The following DIAPH3 variants were observed in gnomAD, a reference collection of about 807,000 sequenced individuals.
The protein encoded by DIAPH3 is diaphanous related formin 3, also known as protein diaphanous homolog 3.
DIAPH3 carries 117 observed loss-of-function variants against 144.3 expected under a neutral mutation model. That is an observed-to-expected ratio of 0.81 (90% CI 0.70 to 0.95). The LOEUF is 0.95. DIAPH3 is among the 40% of genes least tolerant of loss of function. The probability of loss-of-function intolerance (pLI) is 0.00; values close to 1 mark genes in which losing one functional copy is unlikely to be tolerated. For synonymous variants in DIAPH3, 519 were observed against 488.9 expected, an observed-to-expected ratio of 1.06 and a Z score of -0.81; for missense variants, 1,421 against 1,412.7, an observed-to-expected ratio of 1.01 and a Z score of -0.09.
At chr13:59,901,565 C>T (rs1593901339) in intron 20 of DIAPH3, among the ~76,000 whole-genome samples, 1 of 152,182 alleles carries the variant, frequency 6.6e-6, no homozygotes, top group Non-Finnish European at 1.5e-5. Context: ...ATTATTTATG[C>T]ATATATTGCT....
At chr13:59,958,961 C>G (rs1002057929) in intron 17 of DIAPH3, among the ~76,000 whole-genome samples, 1 of 150,746 alleles carries the variant, frequency 6.6e-6, no homozygotes, top group South Asian at 2.1e-4. Context: ...CTGCAACCTC[C>G]GCCTCCCGGG....
intron 1 of DIAPH3, among the ~76,000 whole-genome samples, chr13:60,139,066 T>G (rs930337009): frequency 1.3e-5 from 2 of 152,170 alleles, no homozygotes; most frequent in African/African-American, 4.8e-5. Context: ...TATGAAAATT[T>G]AAAGTAATAT....
chr13:59,784,642 G>T (rs1457763428), intron 25 of DIAPH3, among the ~76,000 whole-genome samples: 1 of 152,134 alleles, frequency 6.6e-6, no homozygotes, highest in Non-Finnish European at 1.5e-5. Context: ...CTCCCAAAGT[G>T]TTGGGATTAC....
chr13:59,796,481 T>C (rs1034749664), intron 25 of DIAPH3, among the ~76,000 whole-genome samples: 16 of 152,356 alleles, frequency 1.1e-4, no homozygotes, highest in Admixed American at 5.2e-4. Context: ...ACCATTTCTA[T>C]AGTAAGACAT....
At chr13:60,015,522 G>A (rs958928613) in intron 7 of DIAPH3, among the ~76,000 whole-genome samples, 1 of 151,944 alleles carries the variant, frequency 6.6e-6, no homozygotes, top group Non-Finnish European at 1.5e-5. Context: ...TGATCTTAAA[G>A]CTGACTCACG....
intron 22 of DIAPH3, among the ~76,000 whole-genome samples, chr13:59,860,746 G>GA (rs1482467386): frequency 2.0e-5 from 3 of 149,562 alleles, no homozygotes; most frequent in South Asian, 4.2e-4. Context: ...TCAAAAAAAG[G>GA]AAAAAAAAGA....
chr13:59,859,307 A>G (rs2043436692), intron 22 of DIAPH3, among the ~76,000 whole-genome samples: 4 of 152,250 alleles, frequency 2.6e-5, no homozygotes, highest in Admixed American at 2.0e-4. Flanking sequence ...TGGAAACTAA[A>G]AAGTCCCAAA....
chr13:60,033,296 C>T (rs952928993), intron 5 of DIAPH3, among the ~76,000 whole-genome samples: 1 of 152,194 alleles, frequency 6.6e-6, no homozygotes, highest in African/African-American at 2.4e-5. Flanking sequence ...AAGTTCCTTC[C>T]ACATTTTCAG....
chr13:59,931,907 G>A (rs1010450317), intron 17 of DIAPH3, among the ~76,000 whole-genome samples: 1 of 152,174 alleles, frequency 6.6e-6, no homozygotes, highest in Non-Finnish European at 1.5e-5. Context: ...GTGGAGAAGA[G>A]AAAATGGGAA....
chr13:59,703,650 T>C (rs527544168), intron 27 of DIAPH3, among the ~76,000 whole-genome samples: 2 of 152,198 alleles, frequency 1.3e-5, no homozygotes, highest in Non-Finnish European at 2.9e-5. Flanking sequence ...TTTATGTATT[T>C]TCTCTTCCTC....
At chr13:59,893,961 A>C (rs1295196272) in intron 20 of DIAPH3, among the ~76,000 whole-genome samples, 2 of 152,124 alleles carry the variant, frequency 1.3e-5, no homozygotes, top group Non-Finnish European at 2.9e-5. Context: ...TGCAATTTTT[A>C]TTCTTTGTTT....
chr13:59,799,614 T>C (rs944783524), intron 25 of DIAPH3, among the ~76,000 whole-genome samples: 1 of 152,234 alleles, frequency 6.6e-6, no homozygotes, highest in African/African-American at 2.4e-5. Context: ...TGTCCTAGGA[T>C]TGTGCCAATC....
chr13:60,013,185 A>G (rs1184522602), intron 7 of DIAPH3: 1 of 985,304 alleles, frequency 1.0e-6, no homozygotes, highest in African/African-American at 1.7e-5. Flanking sequence ...GGCCTGTTCT[A>G]AACTGAGGAT....
intron 24 of DIAPH3, among the ~76,000 whole-genome samples, chr13:59,827,208 T>G (rs2041485940): frequency 6.6e-6 from 1 of 151,972 alleles, no homozygotes; most frequent in African/African-American, 2.4e-5. Context: ...AAAGAGCTTC[T>G]GCACAGCAAA....
chr13:59,778,876 T>C (rs1335434134), intron 25 of DIAPH3, among the ~76,000 whole-genome samples: 2 of 152,260 alleles, frequency 1.3e-5, no homozygotes, highest in Non-Finnish European at 2.9e-5. Context: ...AAAGTTTCAA[T>C]ATATCTCAGT....
At chr13:59,831,019 T>A (rs2041746655) in intron 24 of DIAPH3, among the ~76,000 whole-genome samples, 1 of 151,694 alleles carries the variant, frequency 6.6e-6, no homozygotes, top group South Asian at 2.1e-4. Flanking sequence ...TAGAGAAGAT[T>A]ATATGGGTTT....
chr13:59,699,502 GACTT>G (rs1377472660), intron 27 of DIAPH3, among the ~76,000 whole-genome samples: 3 of 152,186 alleles, frequency 2.0e-5, no homozygotes, highest in African/African-American at 7.2e-5. Context: ...CATCCAATCT[GACTT>G]ACTAATTTAT....
In DIAPH3 at chr13:59,839,383, C is replaced by T. The variant is rs753942693; in HGVS notation, c.2803G>A (p.Glu935Lys). 28 of 1,613,654 alleles carry T rather than the reference C, an allele frequency of 1.7e-5. 1 individual carries two copies. In the Middle Eastern group the frequency reaches 4.9e-4, roughly 28 times the overall value. ...TCAGGAGGGGGAAAGGTTTCCAATTCCTTCTCAAGCTGTTGAAGCTGCCTT... is the reference window on the plus strand; with the variant it reads ...TCAGGAGGGGGAAAGGTTTCCAATTTCTTCTCAAGCTGTTGAAGCTGCCTT... ...MGRQLQQLEK[E>K]LETFPPPEDL... Residue 935 changes from glutamate (E) to lysine (K), a missense_variant, in exon 23 of 28, where the codon GAA becomes AAA. Physicochemically the swap from Glu to Lys is moderately conservative, Grantham distance 56. Transcript: ENST00000400324.
intron 17 of DIAPH3, among the ~76,000 whole-genome samples, chr13:59,954,249 T>C (rs759583207): frequency 7.9e-5 from 12 of 152,222 alleles, no homozygotes; most frequent in Non-Finnish European, 1.5e-4. Flanking sequence ...CCCTCTTACA[T>C]TAAAATAAGG....
Sources: allele counts gnomAD v4.1 joint callset (sites outside exome capture counted in the v4.1 genomes callset), GRCh38; gene constraint gnomAD v4.1.1; transcripts MANE v1.5; gene names NCBI Gene and HGNC (gene_info 2026-07-23, HGNC 2026-07-21).